KIF26B: variants seen among roughly 807,000 people sequenced by gnomAD.
KIF26B encodes kinesin-like protein KIF26B.
In KIF26B, 63 loss-of-function variants were observed where a neutral mutation model predicts 151.2. The ratio of observed to expected loss-of-function variants is 0.42; its 90% CI spans 0.34 to 0.51. The LOEUF (loss-of-function observed/expected upper bound fraction) is 0.51. Among genes scored for constraint, KIF26B ranks in the 20% least tolerant of loss-of-function variants. The probability of loss-of-function intolerance (pLI) is 0.07; values close to 1 mark genes in which losing one functional copy is unlikely to be tolerated. For synonymous variants in KIF26B, 1,357 were observed against 1,262.1 expected, an observed-to-expected ratio of 1.08 and a Z score of -1.59; for missense variants, 2,813 against 2,913.6, an observed-to-expected ratio of 0.97 and a Z score of 0.79.
Position 245,684,248 on chromosome 1 carries a change from C to T in KIF26B, c.2274C>T (p.Ala758=), listed in dbSNP as rs1489208761. The T allele has an allele frequency of 3.0e-5, 48 of 1,613,386 alleles. No homozygotes were observed. Among genetic ancestry groups the T allele is most frequent in the Non-Finnish European group, 3.8e-5 (45 of 1,179,452 alleles). The change falls in exon 11 of 15, where the codon GCC becomes GCT. Residue 758 remains alanine, a synonymous_variant. Coordinates refer to ENST00000407071, the MANE Select transcript of KIF26B (RefSeq NM_018012.4). ...KHIPYKESKL[A]MLLRESLGNM... is the part of the protein sequence containing the mutation. Reference sequence around the variant, plus strand: ...TGTTTGGCAGAGAGAGCAAGCTCGCCATGTTGCTGCGGGAGTCTCTGGGGA... The same window carrying T: ...TGTTTGGCAGAGAGAGCAAGCTCGCTATGTTGCTGCGGGAGTCTCTGGGGA...
At chr1:245,658,217 C>A (rs1216145807) in intron 10 of KIF26B, among the ~76,000 whole-genome samples, 1 of 152,168 alleles carries the variant, frequency 6.6e-6, no homozygotes, top group East Asian at 1.9e-4. Flanking sequence ...GCTACAGGTT[C>A]TTAATCTTCA....
Position 245,367,196 on chromosome 1 carries a change from G to T in KIF26B, c.828G>T (p.Gly276=). ...SKPSSLGVSN[G]AEKKSGSPTH... ...CCAGCAGCCTTGGGGTCAGCAATGGGGCGGAAAAGAAGAGCGGGTCCCCAA... is the reference window on the plus strand; with the variant it reads ...CCAGCAGCCTTGGGGTCAGCAATGGTGCGGAAAAGAAGAGCGGGTCCCCAA... The change falls in exon 3 of 15, where the codon GGG becomes GGT. Residue 276 remains glycine, a synonymous_variant. Coordinates refer to ENST00000407071, the MANE Select transcript of KIF26B (RefSeq NM_018012.4). This position sits in a 1 kb window ranked among gnomAD's most constrained non-coding sequence, Gnocchi z 4.2. 1 of 1,609,112 alleles carries T rather than the reference G, an allele frequency of 6.2e-7. No individual in the cohort carries two copies.
chr1:245,182,749 C>T (rs1451612975), intron 2 of KIF26B, among the ~76,000 whole-genome samples: 1 of 152,162 alleles, frequency 6.6e-6, no homozygotes, highest in African/African-American at 2.4e-5. Flanking sequence ...GATTCTCCTG[C>T]CCCAGCCTCC....
chr1:245,537,362 C>G (rs574227619), intron 4 of KIF26B, among the ~76,000 whole-genome samples: 56 of 152,140 alleles, frequency 3.7e-4, no homozygotes, highest in Non-Finnish European at 6.5e-4. Context: ...GGACAGACCA[C>G]GTAGGCTTTA....
chr1:245,606,114 A>C lies in KIF26B; in HGVS notation c.1558-1537A>C, dbSNP rs72762888. On this transcript the variant is annotated intron_variant, in intron 6 of 14. Coordinates refer to ENST00000407071, the MANE Select transcript of KIF26B (RefSeq NM_018012.4). This position sits in a 1 kb window ranked among gnomAD's most constrained non-coding sequence, Gnocchi z 4.6. ...GTTAGCACTGGGCTCTCCTTGCCTA[A>C]GTCCTGGGGGGTTTGAAAGATCCTG... Among the ~76,000 whole-genome samples, 13,196 of 152,052 alleles carry C rather than the reference A, an allele frequency of 0.087. 723 individuals carry two copies. The highest frequency in any genetic ancestry group is 0.14 in the South Asian group (661 of 4,816).
chr1:245,484,336 A>G (rs544531438), intron 4 of KIF26B, among the ~76,000 whole-genome samples: 1 of 151,988 alleles, frequency 6.6e-6, no homozygotes, highest in South Asian at 2.1e-4. Context: ...GAGCCATTCA[A>G]TGGAGCCACA....
chr1:245,354,108 C>T (rs1006905646), intron 2 of KIF26B, among the ~76,000 whole-genome samples: 19 of 152,214 alleles, frequency 1.2e-4, no homozygotes, highest in Non-Finnish European at 2.6e-4. Flanking sequence ...CTTCATGACT[C>T]CCCCACCAAG....
chr1:245,555,267 T>C (rs1228213074), intron 5 of KIF26B, among the ~76,000 whole-genome samples: 1 of 152,054 alleles, frequency 6.6e-6, no homozygotes, highest in Non-Finnish European at 1.5e-5. Flanking sequence ...TCTTTTCGTT[T>C]CAAGCAATAG....
At chr1:245,340,200 T>C (rs1198909986) in intron 2 of KIF26B, among the ~76,000 whole-genome samples, 6 of 152,162 alleles carry the variant, frequency 3.9e-5, no homozygotes, top group Admixed American at 6.5e-5. Context: ...CCACAAATGC[T>C]CAAGTCCCTG....
chr1:245,652,110 GT>G (rs2103190709), intron 10 of KIF26B, among the ~76,000 whole-genome samples: 1 of 60,734 alleles, frequency 1.6e-5, no homozygotes, highest in South Asian at 4.6e-4. Flanking sequence ...ATCTGTGTGT[GT>G]GTGTGTGTGT....
chr1:245,501,430 G>A (rs1296015298), intron 4 of KIF26B, among the ~76,000 whole-genome samples: 1 of 152,186 alleles, frequency 6.6e-6, no homozygotes, highest in African/African-American at 2.4e-5. Flanking sequence ...TTTTTACTCT[G>A]TGAGAGATTT....
chr1:245,366,513 A>G (rs1274277963), intron 2 of KIF26B, among the ~76,000 whole-genome samples: 1 of 151,326 alleles, frequency 6.6e-6, no homozygotes, highest in African/African-American at 2.4e-5. Context: ...CCTGGGTGAC[A>G]AGGCGAGACT....
chr1:245,385,848 T>C (rs1359404886), intron 3 of KIF26B, among the ~76,000 whole-genome samples: 3 of 152,136 alleles, frequency 2.0e-5, no homozygotes, highest in Non-Finnish European at 4.4e-5. Context: ...GGGTTGCGTG[T>C]GTGAAGGCAG....
At chr1:245,674,481 A>C (rs2044333014) in intron 10 of KIF26B, among the ~76,000 whole-genome samples, 1 of 152,218 alleles carries the variant, frequency 6.6e-6, no homozygotes, top group African/African-American at 2.4e-5. Context: ...TTATTACCGA[A>C]TCTTTCAGCA....
intron 2 of KIF26B, among the ~76,000 whole-genome samples, chr1:245,247,141 C>A (rs111896603): frequency 0.01 from 1,533 of 152,184 alleles, 15 homozygotes; most frequent in Non-Finnish European, 0.016. Flanking sequence ...CTTAGGATTT[C>A]TTTTCTTTTT....
Position 245,688,205 on chromosome 1 carries a change from C to T in KIF26B, c.5222C>T (p.Ala1741Val), listed in dbSNP as rs779879534. 1 of 1,594,134 alleles carries T rather than the reference C, an allele frequency of 6.3e-7. No homozygotes were observed. Among genetic ancestry groups the T allele is most frequent in the East Asian group, 2.2e-5 (1 of 44,676 alleles). The change falls in exon 12 of 15, where the codon GCC becomes GTC. Residue 1741 changes from alanine (A) to valine (V), a missense_variant. By Grantham distance (64) the Ala-to-Val change is moderately conservative. Coordinates refer to ENST00000407071, the MANE Select transcript of KIF26B (RefSeq NM_018012.4). ...TCCGCCGTGAGCAGACTCCTCCTGG[C>T]CAGCCCCAGAGCGCGCGGCCCGTCC... ...KISAVSRLLL[A>V]SPRARGPSAS...
chr1:245,612,247 A>G (rs984165331), intron 9 of KIF26B, among the ~76,000 whole-genome samples: 1 of 152,054 alleles, frequency 6.6e-6, no homozygotes, highest in Admixed American at 6.6e-5. Flanking sequence ...GTAGCTTGGG[A>G]CTACAGGCTC....
At chr1:245,157,091 G>T (rs1391105053) in intron 2 of KIF26B, among the ~76,000 whole-genome samples, 1 of 151,610 alleles carries the variant, frequency 6.6e-6, no homozygotes, top group African/African-American at 2.4e-5. Flanking sequence ...GCTGATGCTC[G>T]GAGCTGGCAT....
chr1:245,305,936 C>CAAAAAAA (rs55865379), intron 2 of KIF26B, among the ~76,000 whole-genome samples: 143 of 86,490 alleles, frequency 1.7e-3, no homozygotes, highest in Non-Finnish European at 2.4e-3. Context: ...GACGACTCCT[C>CAAAAAAA]AAAAAAAAAA....
Sources: allele counts gnomAD v4.1 joint callset (sites outside exome capture counted in the v4.1 genomes callset), GRCh38; gene constraint gnomAD v4.1.1; non-coding constraint Gnocchi (gnomAD v3.1); transcripts MANE v1.5; gene names NCBI Gene and HGNC (gene_info 2026-07-23, HGNC 2026-07-21).